Variants in CHST9 observed in about 807,000 individuals in gnomAD.
CHST9 encodes GalNAc-4-sulfotransferase 2.
A neutral mutation model predicts 44.4 loss-of-function variants in CHST9; 41 were observed. The ratio of observed to expected loss-of-function variants is 0.92; its 90% CI spans 0.72 to 1.20. CHST9 has a LOEUF of 1.20. CHST9 is among the 50% of genes most tolerant of loss of function. The pLI, the probability that CHST9 is intolerant of heterozygous loss-of-function variation, is 0.00. For missense variants in CHST9, 504 were observed against 516.5 expected (o/e 0.98, Z 0.23); for synonymous variants, 171 against 178.4 (o/e 0.96, Z 0.33).
At chr18:27,097,348 C>T (rs73404884) in intron 2 of CHST9, among the ~76,000 whole-genome samples, 4,109 of 152,050 alleles carry the variant, frequency 0.027, 176 homozygotes, top group African/African-American at 0.093. Flanking sequence ...ACAAAGATGC[C>T]CATTCTCACT....
chr18:27,129,929 T>C (rs1204537968), intron 2 of CHST9, among the ~76,000 whole-genome samples: 1 of 152,042 alleles, frequency 6.6e-6, no homozygotes, highest in African/African-American at 2.4e-5. Flanking sequence ...TCAAACCAGT[T>C]TGGGAAATAA....
intron 1 of CHST9, among the ~76,000 whole-genome samples, chr18:27,146,972 A>C (rs1316462461): frequency 6.6e-6 from 1 of 152,228 alleles, no homozygotes; most frequent in Non-Finnish European, 1.5e-5. Context: ...AAACGGAAGT[A>C]TTTTGGGACT....
chr18:27,174,692 G>A (rs191202157), intron 1 of CHST9, among the ~76,000 whole-genome samples: 5 of 152,082 alleles, frequency 3.3e-5, no homozygotes, highest in African/African-American at 4.8e-5. Context: ...TTATCAGCTT[G>A]TATTCTTCAG....
chr18:27,068,528 A>G (rs1199008012), intron 2 of CHST9, among the ~76,000 whole-genome samples: 1 of 152,146 alleles, frequency 6.6e-6, no homozygotes, highest in Non-Finnish European at 1.5e-5. Flanking sequence ...TGTACGTTAC[A>G]TGTGTCCTTG....
At chr18:27,044,603 C>G (rs1471205405) in intron 3 of CHST9, among the ~76,000 whole-genome samples, 2 of 152,000 alleles carry the variant, frequency 1.3e-5, no homozygotes, top group African/African-American at 4.8e-5. Flanking sequence ...CTGCTAACTT[C>G]ATATGTTTAA....
rs999539288 is a variant in CHST9, at chr18:27,160,372, T to C, written c.-96-17467A>G. Among the ~76,000 whole-genome samples, 4 of 152,304 alleles carry C rather than the reference T, an allele frequency of 2.6e-5. No homozygotes were observed. The South Asian group carries it at 6.2e-4, about 24-fold the overall frequency. Reference sequence around the variant, plus strand: ...TTCTGCATCTGTTGAGATAATTATATGGTTTTTGTTGTTGGTTCTGTTTAT... The same window carrying C: ...TTCTGCATCTGTTGAGATAATTATACGGTTTTTGTTGTTGGTTCTGTTTAT... On this transcript the variant is annotated intron_variant, in intron 1 of 5. Coordinates refer to ENST00000618847, the MANE Select transcript of CHST9 (RefSeq NM_031422.6).
In CHST9 at chr18:26,908,603, A is replaced by G. The variant is rs2055399658; in HGVS notation, c.*7656T>C. 1 of 152,212 alleles carries G rather than the reference A, an allele frequency of 6.6e-6. No homozygotes were observed. The highest frequency in any genetic ancestry group is 2.4e-5 in the African/African-American group (1 of 41,472). The allele number at this position is 152,212 out of a possible 1,614,324, so 9.4% of individuals were successfully genotyped here. On this transcript the variant is annotated 3_prime_UTR_variant, in exon 6 of 6. Coordinates refer to ENST00000618847, the MANE Select transcript of CHST9 (RefSeq NM_031422.6). The stretch of plus-strand genomic sequence containing the variant: ...AATAAATAAAAAAGGCAGGACTTCT[A>G]TTCAGAGGCTATTTCCAATAGTTCT...
intron 2 of CHST9, among the ~76,000 whole-genome samples, chr18:27,125,079 AT>A: frequency 6.6e-6 from 1 of 152,202 alleles, no homozygotes; most frequent in Admixed American, 6.5e-5. Context: ...CAAATTGAGG[AT>A]TTTTTCTTTG....
chr18:27,095,650 A>T (rs902317461), intron 2 of CHST9, among the ~76,000 whole-genome samples: 4 of 152,208 alleles, frequency 2.6e-5, no homozygotes, highest in Non-Finnish European at 5.9e-5. Context: ...CTTATATTAG[A>T]TAAAACAGAT....
intron 1 of CHST9, among the ~76,000 whole-genome samples, chr18:27,151,478 C>T (rs114655064): frequency 3.9e-5 from 6 of 152,130 alleles, no homozygotes; most frequent in Non-Finnish European, 5.9e-5. Flanking sequence ...ACCCCCTAAT[C>T]ACTGGAAGCT....
At chr18:27,040,540 G>C (rs1347557031) in intron 3 of CHST9, among the ~76,000 whole-genome samples, 4 of 152,002 alleles carry the variant, frequency 2.6e-5, no homozygotes, top group South Asian at 2.1e-4. Context: ...TCCTCCAACT[G>C]CCACTCAAGT....
rs986447633 is a variant in CHST9, at chr18:26,915,007, C to A, written c.*1252G>T. On this transcript the variant is annotated 3_prime_UTR_variant, in exon 6 of 6. Transcript: ENST00000618847. ...TTCCCCAAGGGATCTAATTTAGGATCCCTTGGAAAAAAATTCCAAAATGCA... is the reference window on the plus strand; with the variant it reads ...TTCCCCAAGGGATCTAATTTAGGATACCTTGGAAAAAAATTCCAAAATGCA... The A allele has an allele frequency of 2.5e-6, 1 of 397,758 alleles. No individual in the cohort carries two copies. The highest frequency in any genetic ancestry group is 4.4e-6 in the Non-Finnish European group (1 of 225,626). The allele number at this position is 397,758 out of a possible 1,614,324, so 24.6% of individuals were successfully genotyped here.
At chr18:27,160,301 TGA>T (rs2058735225) in intron 1 of CHST9, among the ~76,000 whole-genome samples, 1 of 152,218 alleles carries the variant, frequency 6.6e-6, no homozygotes, top group South Asian at 2.1e-4. Context: ...CCTAATTTAT[TGA>T]GAGTTTTTAG....
intron 2 of CHST9, among the ~76,000 whole-genome samples, chr18:27,058,230 G>A (rs992849125): frequency 3.3e-5 from 5 of 152,290 alleles, no homozygotes; most frequent in East Asian, 1.9e-4. Context: ...AGCATTGAAC[G>A]TGTTTCTAGT....
intron 2 of CHST9, among the ~76,000 whole-genome samples, chr18:27,093,360 T>G (rs943984200): frequency 6.6e-6 from 1 of 152,218 alleles, no homozygotes; most frequent in African/African-American, 2.4e-5. Context: ...AGAGGTGAAG[T>G]CTAGAGGCAG....
chr18:26,969,101 C>A (rs2056504237), intron 4 of CHST9, among the ~76,000 whole-genome samples: 1 of 151,838 alleles, frequency 6.6e-6, no homozygotes, highest in South Asian at 2.1e-4. Context: ...CGGGTTCACG[C>A]CATTCTCCTG....
chr18:26,945,857 A>G (rs1427768324), intron 4 of CHST9, among the ~76,000 whole-genome samples: 1 of 152,210 alleles, frequency 6.6e-6, no homozygotes, highest in Non-Finnish European at 1.5e-5. Context: ...TTTTCAAAAA[A>G]AGATGTCCCA....
At chr18:27,053,155 GA>G (rs2057593682) in intron 2 of CHST9, among the ~76,000 whole-genome samples, 1 of 143,636 alleles carries the variant, frequency 7.0e-6, no homozygotes. Context: ...AGAAGAAGAA[GA>G]AGAAGAAGAA....
At chr18:27,075,503 C>T (rs1169541899) in intron 2 of CHST9, among the ~76,000 whole-genome samples, 1 of 129,806 alleles carries the variant, frequency 7.7e-6, no homozygotes, top group Non-Finnish European at 1.6e-5. Flanking sequence ...CATTCTGACT[C>T]CAAGTAGTCT....
Sources: allele counts gnomAD v4.1 joint callset (sites outside exome capture counted in the v4.1 genomes callset), GRCh38; gene constraint gnomAD v4.1.1; transcripts MANE v1.5; gene names NCBI Gene and HGNC (gene_info 2026-07-23, HGNC 2026-07-21).